Variants in LRP1B observed in about 807,000 individuals in gnomAD.
LRP1B encodes the protein low-density lipoprotein receptor-related protein 1B.
Under a neutral mutation model 556.6 loss-of-function variants are expected in LRP1B, and 217 were observed. The observed-to-expected ratio is 0.39, with a 90% CI of 0.35 to 0.44. The LOEUF is 0.44. Among genes scored for constraint, LRP1B ranks in the 20% least tolerant of loss-of-function variants. LRP1B has a pLI of 1.00. For missense variants in LRP1B, 5,053 were observed against 5,620.8 expected (o/e 0.90, Z 3.23); for synonymous variants, 2,047 against 1,865.8 (o/e 1.10, Z -2.50).
intron 32 of LRP1B, among the ~76,000 whole-genome samples, chr2:140,788,061 T>A (rs1327888576): frequency 6.6e-6 from 1 of 152,204 alleles, no homozygotes; most frequent in East Asian, 1.9e-4. Flanking sequence ...ACTCTCTGGA[T>A]GATCATGAGT....
At chr2:141,973,513 T>C (rs913619769) in intron 1 of LRP1B, among the ~76,000 whole-genome samples, 1 of 151,832 alleles carries the variant, frequency 6.6e-6, no homozygotes, top group African/African-American at 2.4e-5. Flanking sequence ...CAGTGTTACA[T>C]TGATTCACAT....
chr2:141,111,441 T>G (rs1269253795), intron 7 of LRP1B, among the ~76,000 whole-genome samples: 2 of 152,164 alleles, frequency 1.3e-5, no homozygotes, highest in Non-Finnish European at 2.9e-5. Context: ...CAACAGTCAA[T>G]ATGAAAGGAG....
rs950128721 is a variant in LRP1B at position 140,356,399 on chromosome 2, C to G, written c.11473G>C (p.Val3825Leu). 1.9e-6 allele frequency: 3 copies of G among 1,610,698 alleles called. No individual in the cohort carries two copies. The African/African-American group carries it at 4.0e-5, about 22-fold the overall frequency. ...AATCCAGGCTTACAGCGACAGAAAA[C>G]AGATGTTTTTATTTGATTACAATAT... ...DAYCNQIKTS[V>L]FCRCKPGFQR... The change falls in exon 75 of 91, where the codon GTT (valine) becomes CTT (leucine). Residue 3825 changes from valine to leucine, a missense_variant. By Grantham distance (32) the Val-to-Leu change is conservative (BLOSUM62 1). Coordinates refer to ENST00000389484, the MANE Select transcript of LRP1B (RefSeq NM_018557.3).
At chr2:140,926,119 T>C (rs556116724) in intron 20 of LRP1B, among the ~76,000 whole-genome samples, 1 of 150,302 alleles carries the variant, frequency 6.7e-6, no homozygotes, top group Admixed American at 6.7e-5. Context: ...TGGCATAACA[T>C]CTACTAAGGG....
chr2:141,105,342 T>A (rs1349187880), intron 7 of LRP1B, among the ~76,000 whole-genome samples: 3 of 152,168 alleles, frequency 2.0e-5, no homozygotes, highest in African/African-American at 7.2e-5. Context: ...ATGTAATTTT[T>A]TTTTTAGTTT....
chr2:140,704,514 A>T (rs1388971867), intron 37 of LRP1B, among the ~76,000 whole-genome samples: 1 of 151,862 alleles, frequency 6.6e-6, no homozygotes, highest in East Asian at 1.9e-4. Flanking sequence ...TTTATTGGTA[A>T]GATATAATTG....
intron 18 of LRP1B, among the ~76,000 whole-genome samples, chr2:140,957,333 A>G (rs1695902879): frequency 6.6e-6 from 1 of 151,614 alleles, no homozygotes; most frequent in South Asian, 2.1e-4. Flanking sequence ...GGTATATACA[A>G]TGTTTGAGAA....
At chr2:140,495,030 G>A (rs951796310) in intron 56 of LRP1B, among the ~76,000 whole-genome samples, 3 of 151,990 alleles carry the variant, frequency 2.0e-5, no homozygotes, top group Non-Finnish European at 2.9e-5. Context: ...TTTATTAAAT[G>A]TATAATTTAC....
At chr2:141,104,539 T>G (rs534654805) in intron 7 of LRP1B, among the ~76,000 whole-genome samples, 1 of 152,228 alleles carries the variant, frequency 6.6e-6, no homozygotes, top group South Asian at 2.1e-4. Context: ...ATGAATGGAA[T>G]AGTCTCTCTT....
intron 2 of LRP1B, among the ~76,000 whole-genome samples, chr2:141,708,744 T>C (rs965257260): frequency 1.3e-5 from 2 of 152,112 alleles, no homozygotes; most frequent in African/African-American, 2.4e-5. Flanking sequence ...CAAATTCAAA[T>C]GAAGCCTTTA....
chr2:141,802,985 T>C lies in LRP1B; in HGVS notation c.205+7294A>G, dbSNP rs77360713. On this transcript the variant is annotated intron_variant, in intron 2 of 90. Transcript: ENST00000389484. Reference sequence around the variant, plus strand: ...GAGATTTCACCAGTTGTTTCCAGAATTCCTGTATTTCATTTCACCCCTGCT... The same window carrying C: ...GAGATTTCACCAGTTGTTTCCAGAACTCCTGTATTTCATTTCACCCCTGCT... Among the ~76,000 whole-genome samples the C allele has an allele frequency of 1.1e-3, 175 of 152,196 alleles. 3 individuals carry two copies. In the East Asian group the frequency reaches 0.032, roughly 28 times the overall value.
chr2:141,638,394 T>A (rs571370209), intron 2 of LRP1B, among the ~76,000 whole-genome samples: 2 of 151,960 alleles, frequency 1.3e-5, no homozygotes, highest in East Asian at 3.9e-4. Flanking sequence ...TTTGTTGTTG[T>A]TTTTTAATGA....
chr2:140,900,214 T>C (rs1367474352), intron 23 of LRP1B, among the ~76,000 whole-genome samples: 1 of 152,216 alleles, frequency 6.6e-6, no homozygotes. Context: ...ACATTAAACA[T>C]AAGTTGTTAT....
At chr2:141,202,802 A>C (rs956987184) in intron 6 of LRP1B, among the ~76,000 whole-genome samples, 12 of 152,094 alleles carry the variant, frequency 7.9e-5, no homozygotes, top group African/African-American at 2.9e-4. Flanking sequence ...CAGTTTTATT[A>C]CATAGGTATA....
At chr2:140,922,927 G>A in intron 21 of LRP1B, 38 bp downstream of exon 21, 3 of 1,584,842 alleles carry the variant, frequency 1.9e-6, no homozygotes, top group Non-Finnish European at 2.6e-6. Flanking sequence ...TCCACACTCA[G>A]GGAGACCCAA....
intron 41 of LRP1B, among the ~76,000 whole-genome samples, chr2:140,628,383 A>G (rs1407367490): frequency 6.6e-6 from 1 of 152,026 alleles, no homozygotes; most frequent in Non-Finnish European, 1.5e-5. Flanking sequence ...CACAAAAAAA[A>G]TAAATTAGCC....
chr2:141,390,336 T>C (rs1188526123), intron 3 of LRP1B, among the ~76,000 whole-genome samples: 8 of 152,186 alleles, frequency 5.3e-5, no homozygotes, highest in African/African-American at 1.9e-4. Flanking sequence ...GGAAATCTTG[T>C]ACACTGCTGG....
At chr2:140,396,835 C>T (rs765894538) in intron 66 of LRP1B, among the ~76,000 whole-genome samples, 7 of 152,068 alleles carry the variant, frequency 4.6e-5, no homozygotes, top group Non-Finnish European at 8.8e-5. Context: ...TGTTTGGTTA[C>T]GAGTTAAGTG....
chr2:140,382,950 T>A (rs982989662), intron 67 of LRP1B, among the ~76,000 whole-genome samples: 2 of 152,208 alleles, frequency 1.3e-5, no homozygotes, highest in African/African-American at 4.8e-5. Flanking sequence ...CCTACAGTAT[T>A]CAGTACAGTA....
Sources: gnomAD v4.1 joint callset for allele counts (sites outside exome capture counted in the v4.1 genomes callset) on GRCh38, gnomAD v4.1.1 for gene constraint, MANE v1.5 for transcripts, NCBI Gene and HGNC (gene_info 2026-07-23, HGNC 2026-07-21) for gene names.